Variants in AUTS2 observed in about 807,000 individuals in gnomAD.
AUTS2 encodes autism susceptibility gene 2 protein.
A neutral mutation model predicts 112.4 loss-of-function variants in AUTS2; 17 were observed. The observed-to-expected ratio is 0.15, with a 90% CI of 0.10 to 0.23. The LOEUF is 0.23. AUTS2 is among the 10% of genes least tolerant of loss of function. The pLI is 1.00. For synonymous variants in AUTS2, 751 were observed against 702.7 expected, an observed-to-expected ratio of 1.07 and a Z score of -1.09; for missense variants, 1,510 against 1,701.6, an observed-to-expected ratio of 0.89 and a Z score of 1.98.
At chr7:70,274,917 G>A (rs1414342632) in intron 4 of AUTS2, among the ~76,000 whole-genome samples, 3 of 152,106 alleles carry the variant, frequency 2.0e-5, no homozygotes, top group Admixed American at 2.0e-4. Flanking sequence ...TAAAAACAGG[G>A]ACTTGGACAG....
chr7:69,659,592 T>TTG (rs1477264957), intron 1 of AUTS2, among the ~76,000 whole-genome samples: 1 of 144,966 alleles, frequency 6.9e-6, no homozygotes, highest in Non-Finnish European at 1.5e-5. Flanking sequence ...TGTTTTTTTT[T>TTG]TTTTTTTTTT....
chr7:70,040,646 C>T (rs1172503303), intron 2 of AUTS2, among the ~76,000 whole-genome samples: 2 of 152,142 alleles, frequency 1.3e-5, no homozygotes, highest in African/African-American at 4.8e-5. Flanking sequence ...CGTGGGACCA[C>T]CCAGGAACCT....
intron 5 of AUTS2, among the ~76,000 whole-genome samples, chr7:70,615,727 G>C (rs78691873): frequency 0.024 from 3,620 of 152,076 alleles, 94 homozygotes; most frequent in African/African-American, 0.061. Context: ...TAAGAGTTTG[G>C]GGACAGTGCA....
intron 2 of AUTS2, among the ~76,000 whole-genome samples, chr7:70,072,462 C>T (rs879350153): frequency 1.3e-5 from 2 of 152,178 alleles, no homozygotes; most frequent in Admixed American, 6.5e-5. Flanking sequence ...TCTCGTTTTC[C>T]ATTTCCTGGT....
intron 4 of AUTS2, among the ~76,000 whole-genome samples, chr7:70,203,963 T>TAA (rs34646200): frequency 5.8e-5 from 8 of 138,980 alleles, no homozygotes; most frequent in African/African-American, 1.3e-4. Context: ...TTTTAAGCCT[T>TAA]AAAAAAAAAA....
intron 1 of AUTS2, among the ~76,000 whole-genome samples, chr7:69,831,834 T>G (rs763656992): frequency 6.6e-6 from 1 of 152,162 alleles, no homozygotes; most frequent in Non-Finnish European, 1.5e-5. Flanking sequence ...AGGTGTAGAA[T>G]TTAAAGTTAA....
intron 1 of AUTS2, among the ~76,000 whole-genome samples, chr7:69,845,722 G>A (rs1171642448): frequency 6.6e-6 from 1 of 152,102 alleles, no homozygotes; most frequent in Admixed American, 6.5e-5. Context: ...GCATAGGGTG[G>A]CCCTCTGCTG....
intron 1 of AUTS2, among the ~76,000 whole-genome samples, chr7:69,865,667 C>G (rs1793192313): frequency 1.3e-5 from 2 of 152,130 alleles, no homozygotes; most frequent in South Asian, 4.1e-4. Flanking sequence ...AGGCCATTCT[C>G]TTTCATTCTC....
chr7:69,875,310 A>G (rs1793682887), intron 1 of AUTS2, among the ~76,000 whole-genome samples: 1 of 152,214 alleles, frequency 6.6e-6, no homozygotes, highest in African/African-American at 2.4e-5. Flanking sequence ...TCTAAATGGT[A>G]CTAGTTTGAT....
chr7:70,757,701 A>G (rs1789299244), intron 6 of AUTS2, among the ~76,000 whole-genome samples: 1 of 150,848 alleles, frequency 6.6e-6, no homozygotes, highest in African/African-American at 2.4e-5. Context: ...GCATATATAC[A>G]CACACACACA....
intron 1 of AUTS2, among the ~76,000 whole-genome samples, chr7:69,838,994 C>G (rs1471261193): frequency 3.3e-5 from 5 of 152,174 alleles, no homozygotes; most frequent in African/African-American, 1.2e-4. Flanking sequence ...TTGGTCAGAT[C>G]TGGTCATTCT....
At chr7:70,687,337 C>G (rs1808522744) in intron 5 of AUTS2, among the ~76,000 whole-genome samples, 1 of 152,156 alleles carries the variant, frequency 6.6e-6, no homozygotes, top group Admixed American at 6.6e-5. Context: ...GATGAGATAC[C>G]TACAGCCAAT....
At chr7:70,650,365 C>A (rs1383112775) in intron 5 of AUTS2, among the ~76,000 whole-genome samples, 1 of 152,184 alleles carries the variant, frequency 6.6e-6, no homozygotes, top group East Asian at 1.9e-4. Context: ...CCATGCAGTA[C>A]CTGAACAAAA....
At chr7:70,493,239 C>A (rs1053205191) in intron 5 of AUTS2, among the ~76,000 whole-genome samples, 9 of 152,138 alleles carry the variant, frequency 5.9e-5, no homozygotes, top group African/African-American at 2.2e-4. Flanking sequence ...GTTATATGAG[C>A]CCTGGTGGTA....
intron 12 of AUTS2, 32 bp downstream of exon 12, chr7:70,774,131 A>G (rs1276695831): frequency 1.2e-6 from 2 of 1,606,868 alleles, no homozygotes; most frequent in Admixed American, 1.7e-5. Flanking sequence ...GTCTCAGGTA[A>G]CACCAGGGTG....
intron 5 of AUTS2, among the ~76,000 whole-genome samples, chr7:70,600,400 C>T (rs368056186): frequency 4.6e-5 from 7 of 152,128 alleles, no homozygotes; most frequent in African/African-American, 1.7e-4. Flanking sequence ...CTCAGCCTCC[C>T]GAGTAGCTGG....
At chr7:70,163,852 C>A (rs2129577801) in intron 4 of AUTS2, among the ~76,000 whole-genome samples, 1 of 152,270 alleles carries the variant, frequency 6.6e-6, no homozygotes, top group Middle Eastern at 3.4e-3. Flanking sequence ...CTAAGAAAGT[C>A]ATGTACTTGA....
chr7:70,608,224 C>T (rs1044952605), intron 5 of AUTS2, among the ~76,000 whole-genome samples: 37 of 152,302 alleles, frequency 2.4e-4, no homozygotes, highest in African/African-American at 8.9e-4. Flanking sequence ...CTCCCTCAGC[C>T]TCCCAAGTAG....
At chr7:70,773,594 A>G (rs1790497811) in intron 11 of AUTS2, among the ~76,000 whole-genome samples, 1 of 152,242 alleles carries the variant, frequency 6.6e-6, no homozygotes, top group Non-Finnish European at 1.5e-5. Flanking sequence ...TCTGTAAAGT[A>G]CTTCCAGTTA....
Sources: gnomAD v4.1 joint callset for allele counts (sites outside exome capture counted in the v4.1 genomes callset) on GRCh38, gnomAD v4.1.1 for gene constraint, MANE v1.5 for transcripts, NCBI Gene and HGNC (gene_info 2026-07-23, HGNC 2026-07-21) for gene names.